SPIN1: variants seen among roughly 807,000 people sequenced by gnomAD.
SPIN1 encodes the protein spindlin 1, also known as spindlin-1.
A neutral mutation model predicts 26.0 loss-of-function variants in SPIN1; 3 were observed. That is an observed-to-expected ratio of 0.12 (90% CI 0.05 to 0.30). The LOEUF (loss-of-function observed/expected upper bound fraction) is 0.30. Ranked by LOEUF, SPIN1 falls within the 10% of genes least tolerant of loss-of-function variation. SPIN1 has a pLI of 1.00. For missense variants in SPIN1, 126 were observed against 333.4 expected, an observed-to-expected ratio of 0.38 and a Z score of 4.84; for synonymous variants, 101 against 116.5, an observed-to-expected ratio of 0.87 and a Z score of 0.86.
intron 2 of SPIN1, among the ~76,000 whole-genome samples, chr9:88,443,130 AAAAAC>A (rs1353344798): frequency 3.3e-5 from 5 of 151,766 alleles, no homozygotes; most frequent in African/African-American, 1.2e-4. Flanking sequence ...AAAAAAAAAA[AAAAAC>A]AAAAAAAAAC....
At chr9:88,423,629 G>A (rs559279888) in intron 1 of SPIN1, among the ~76,000 whole-genome samples, 43 of 151,632 alleles carry the variant, frequency 2.8e-4, no homozygotes, top group Admixed American at 1.6e-3. Context: ...AGTAGAGACC[G>A]GGTCTCGAAC....
chr9:88,413,747 C>T (rs922235169), intron 1 of SPIN1, among the ~76,000 whole-genome samples: 3 of 152,106 alleles, frequency 2.0e-5, no homozygotes, highest in Non-Finnish European at 2.9e-5. Context: ...TGGTCTTTGG[C>T]TTACCTCCTT....
At chr9:88,408,105 T>G (rs903378728) in intron 1 of SPIN1, among the ~76,000 whole-genome samples, 1 of 152,110 alleles carries the variant, frequency 6.6e-6, no homozygotes, top group Non-Finnish European at 1.5e-5. Flanking sequence ...GTTTTTTTTT[T>G]CTGCCTTTAG....
chr9:88,453,822 G>T (rs113846704), intron 3 of SPIN1, among the ~76,000 whole-genome samples: 6 of 152,180 alleles, frequency 3.9e-5, no homozygotes, highest in African/African-American at 9.7e-5. Context: ...CACCGCGCCC[G>T]CGGTATCTTA....
chr9:88,394,009 G>A (rs1826996807), intron 1 of SPIN1, among the ~76,000 whole-genome samples: 1 of 152,006 alleles, frequency 6.6e-6, no homozygotes, highest in Non-Finnish European at 1.5e-5. Flanking sequence ...CACCATGCCT[G>A]GCAAATTTTT....
At chr9:88,426,240 G>C in intron 1 of SPIN1, 142 bp from the exon 2 acceptor site, 1 of 226,690 alleles carries the variant, frequency 4.4e-6, no homozygotes, top group South Asian at 7.0e-5. Context: ...AAGAACCCAG[G>C]TCTTAGGAAA....
chr9:88,392,663 C>T (rs1826953792), intron 1 of SPIN1, among the ~76,000 whole-genome samples: 2 of 151,944 alleles, frequency 1.3e-5, no homozygotes, highest in Non-Finnish European at 1.5e-5. Context: ...TACCTATCTA[C>T]CTAGCTACTA....
At chr9:88,472,817 A>G (rs1030506254) in intron 5 of SPIN1, among the ~76,000 whole-genome samples, 12 of 152,154 alleles carry the variant, frequency 7.9e-5, no homozygotes, top group African/African-American at 2.2e-4. Flanking sequence ...ATTTACTTCT[A>G]AGGATTTTAT....
intron 3 of SPIN1, among the ~76,000 whole-genome samples, chr9:88,451,559 G>T (rs751530337): frequency 6.6e-6 from 1 of 151,906 alleles, no homozygotes; most frequent in Admixed American, 6.6e-5. Flanking sequence ...CTGTTTTTTT[G>T]TTTGTTTGTT....
At chr9:88,441,775 A>C (rs953635052) in intron 2 of SPIN1, among the ~76,000 whole-genome samples, 3 of 148,934 alleles carry the variant, frequency 2.0e-5, no homozygotes, top group Admixed American at 2.0e-4. Flanking sequence ...TAAATAAATA[A>C]AAGTTTTTAT....
intron 2 of SPIN1, among the ~76,000 whole-genome samples, chr9:88,436,909 C>T (rs904856133): frequency 3.3e-5 from 5 of 150,728 alleles, no homozygotes; most frequent in East Asian, 2.0e-4. Context: ...GGACTACAGG[C>T]GCCCGCCACT....
intron 1 of SPIN1, among the ~76,000 whole-genome samples, chr9:88,388,821 C>T (rs1443046568): frequency 2.7e-5 from 4 of 150,676 alleles, no homozygotes; most frequent in Non-Finnish European, 5.9e-5. Context: ...ACATGGCCGC[C>T]ACCCTCTCGT....
At chr9:88,393,287 AT>A (rs912069053) in intron 1 of SPIN1, among the ~76,000 whole-genome samples, 15 of 149,152 alleles carry the variant, frequency 1.0e-4, no homozygotes, top group South Asian at 2.1e-4. Context: ...AAAATAGGCA[AT>A]TTTTTTTTTA....
intron 1 of SPIN1, among the ~76,000 whole-genome samples, chr9:88,388,957 T>G (rs1293009738): frequency 2.3e-5 from 3 of 130,690 alleles, no homozygotes; most frequent in Admixed American, 7.9e-5. Flanking sequence ...TGCGCCAGAA[T>G]GCAGGCGGGG....
chr9:88,467,910 G>A (rs751239051), intron 4 of SPIN1, among the ~76,000 whole-genome samples: 3 of 149,412 alleles, frequency 2.0e-5, no homozygotes, highest in Non-Finnish European at 3.0e-5. Flanking sequence ...TTAAATAAAC[G>A]TTCTGTGGTT....
chr9:88,409,601 C>T (rs1396571362), intron 1 of SPIN1, among the ~76,000 whole-genome samples: 4 of 151,388 alleles, frequency 2.6e-5, no homozygotes, highest in Non-Finnish European at 5.9e-5. Context: ...TTTGGGAGGC[C>T]GAGGCGGGCG....
chr9:88,402,235 C>T (rs374484304), intron 1 of SPIN1, among the ~76,000 whole-genome samples: 2 of 152,032 alleles, frequency 1.3e-5, no homozygotes, highest in Admixed American at 1.3e-4. Context: ...TCAGGTGATC[C>T]GCCTGCCTCA....
chr9:88,446,408 GTTTTTT>G (rs372052401), intron 2 of SPIN1, among the ~76,000 whole-genome samples: 1 of 129,882 alleles, frequency 7.7e-6, no homozygotes, highest in African/African-American at 2.9e-5. Context: ...TTGGTTTGCT[GTTTTTT>G]TTTTTTTTTT....
chr9:88,450,362 G>A (rs750280532), intron 3 of SPIN1, among the ~76,000 whole-genome samples: 26 of 152,186 alleles, frequency 1.7e-4, no homozygotes, highest in Admixed American at 2.0e-4. Context: ...TGCAAGTTAA[G>A]TTAAAGGCTT....
Sources: allele counts gnomAD v4.1 joint callset (sites outside exome capture counted in the v4.1 genomes callset), GRCh38; gene constraint gnomAD v4.1.1; transcripts MANE v1.5; gene names NCBI Gene and HGNC (gene_info 2026-07-23, HGNC 2026-07-21).